Variants in LAMP1 observed in about 807,000 individuals in gnomAD.
LAMP1 encodes lysosome associated membrane protein 1.
Under a neutral mutation model 37.5 loss-of-function variants are expected in LAMP1, and 7 were observed. The observed-to-expected ratio is 0.19, with a 90% CI of 0.11 to 0.35. The LOEUF (loss-of-function observed/expected upper bound fraction) is 0.35, where lower values mean the gene tolerates loss of function less well. Among genes scored for constraint, LAMP1 ranks in the 10% least tolerant of loss-of-function variants. The pLI, the probability that LAMP1 is intolerant of heterozygous loss-of-function variation, is 1.00. For synonymous variants in LAMP1, 236 were observed against 229.1 expected, an observed-to-expected ratio of 1.03 and a Z score of -0.27; for missense variants, 537 against 552.8, an observed-to-expected ratio of 0.97 and a Z score of 0.29.
rs1021773104 is a variant in LAMP1, at chr13:113,300,084, G to C, written c.61+2589G>C. Among the ~76,000 whole-genome samples the C allele has an allele frequency of 2.0e-5, 3 of 152,182 alleles. No homozygotes were observed. The South Asian group carries it at 6.2e-4, about 31-fold the overall frequency. ...AACTGAAACTTGTCCTGATAGATAG[G>C]ATTAGCTGTGATTGCGTAATGTGAC... is the stretch of plus-strand genomic sequence containing the variant. On this transcript the variant is annotated intron_variant, in intron 1 of 8. Coordinates refer to ENST00000332556, the MANE Select transcript of LAMP1 (RefSeq NM_005561.4).
At chr13:113,306,365 A>AG (rs1156656249) in intron 1 of LAMP1, 120 bp from the exon 2 acceptor site, 31 of 1,224,538 alleles carry the variant, frequency 2.5e-5, no homozygotes, top group Middle Eastern at 2.9e-4. Context: ...AAAAAAAAAA[A>AG]AGAGAAACAG....
chr13:113,321,864 C>A lies in LAMP1; in HGVS notation c.1114+137C>A. 1.2e-6 allele frequency: 1 copy of A among 858,952 alleles called. No homozygotes were observed. The highest frequency in any genetic ancestry group is 1.8e-6 in the Non-Finnish European group (1 of 563,316). 53.2% of individuals were successfully genotyped at this position (858,952 alleles called of 1,614,324 possible). A position where few individuals can be genotyped will look rare whatever the true frequency, so the allele number is the denominator to read the frequency against. On this transcript the variant is annotated intron_variant, in intron 8 of 8. Coordinates refer to ENST00000332556, the MANE Select transcript of LAMP1 (RefSeq NM_005561.4). This position sits in a 1 kb window ranked among gnomAD's most constrained non-coding sequence, Gnocchi z 5.6. ...CAAGGAGCTGTTTCTTCTTGCCGGT[C>A]TGAGATTCTAGAGGTAACTCCCCCT... is the stretch of plus-strand genomic sequence containing the variant.
At chr13:113,314,309 G>C in intron 4 of LAMP1, among the ~76,000 whole-genome samples, 1 of 127,874 alleles carries the variant, frequency 7.8e-6, no homozygotes, top group East Asian at 2.8e-4. Flanking sequence ...TGCCTGGGGC[G>C]TGGCCTCCTG....
At chr13:113,312,159 G>C (rs1384884679) in intron 4 of LAMP1, among the ~76,000 whole-genome samples, 1 of 152,240 alleles carries the variant, frequency 6.6e-6, no homozygotes, top group Non-Finnish European at 1.5e-5. Context: ...TCCCCGAGGA[G>C]CAGGTACTCT....
At chr13:113,302,123 A>C (rs2042577973) in intron 1 of LAMP1, among the ~76,000 whole-genome samples, 1 of 152,214 alleles carries the variant, frequency 6.6e-6, no homozygotes, top group Non-Finnish European at 1.5e-5. Flanking sequence ...TCGGCCTCCC[A>C]AAGTGCTGGG....
Position 113,309,835 on chromosome 13 carries a change from C to A in LAMP1, c.376C>A (p.His126Asn). 6.2e-7 allele frequency: 1 copy of A among 1,613,280 alleles called. No homozygotes were observed. Among genetic ancestry groups the A allele is most frequent in the Non-Finnish European group, 8.5e-7 (1 of 1,179,976 alleles). The change falls in exon 3 of 9, where the codon CAC becomes AAC. Residue 126 changes from histidine (H) to asparagine (N), a missense_variant. Physicochemically the swap from His to Asn is moderately conservative, Grantham distance 68. Transcript: ENST00000332556. ...TTTTGTTTATAACTTGTCAGACACA[C>A]ACCTTTTCCCCAATGCGAGCTCCAA... ...MSFVYNLSDT[H>N]LFPNASSKEI...
intron 4 of LAMP1, among the ~76,000 whole-genome samples, chr13:113,312,448 GTC>G (rs1182647627): frequency 6.6e-6 from 1 of 152,214 alleles, no homozygotes; most frequent in African/African-American, 2.4e-5. Flanking sequence ...GGCCCACAAA[GTC>G]TGAAATATTT....
chr13:113,319,156 C>G (rs1440131182), intron 4 of LAMP1, among the ~76,000 whole-genome samples: 2 of 152,234 alleles, frequency 1.3e-5, no homozygotes, highest in Non-Finnish European at 2.9e-5. Flanking sequence ...CACAGTGGCC[C>G]CTGTCCAGCC....
rs985889837 is a variant in LAMP1, at chr13:113,316,726, AT to A, written c.563-2734del. On this transcript the variant is annotated intron_variant, in intron 4 of 8. Transcript: ENST00000332556. Reference sequence around the variant, plus strand: ...GTGAGCCACCGTGCCCAGCTGCAGCATTTTTTTTTCATTCCTAGGAACAGAG... The same window carrying A: ...GTGAGCCACCGTGCCCAGCTGCAGCATTTTTTTTCATTCCTAGGAACAGAG... Among the ~76,000 whole-genome samples the A allele has an allele frequency of 4.7e-5, 7 of 149,638 alleles. No homozygotes were observed. The South Asian group carries it at 1.1e-3, about 23-fold the overall frequency.
chr13:113,321,265 C>T lies in LAMP1; in HGVS notation c.877-139C>T. On this transcript the variant is annotated intron_variant, in intron 6 of 8. Transcript: ENST00000332556. The surrounding 1 kb of genome is among the most constrained non-coding windows in gnomAD (Gnocchi z 5.6). ...AGACAAGATCTTTTGCAGTTTTGTT[C>T]TAATACTAGAAATGTAGGAAGTCAG... The T allele has an allele frequency of 1.3e-6, 1 of 759,524 alleles. No individual in the cohort carries two copies. 47.0% of individuals were successfully genotyped at this position (759,524 alleles called of 1,614,324 possible). A position where few individuals can be genotyped will look rare whatever the true frequency, so the allele number is the denominator to read the frequency against.
rs1212273252 is a variant in LAMP1 at position 113,298,358 on chromosome 13, C to T, written c.61+863C>T. Among the ~76,000 whole-genome samples, 9 of 152,290 alleles carry T rather than the reference C, an allele frequency of 5.9e-5. No homozygotes were observed. The East Asian group carries it at 1.7e-3, about 29-fold the overall frequency. Reference sequence around the variant, plus strand: ...CTTAATAAGAGGATGTGTGCTGTCTCTTTAAGACAGTCCGGATTGCCCCCC... The same window carrying T: ...CTTAATAAGAGGATGTGTGCTGTCTTTTTAAGACAGTCCGGATTGCCCCCC... On this transcript the variant is annotated intron_variant, in intron 1 of 8. Transcript: ENST00000332556.
intron 1 of LAMP1, chr13:113,305,553 G>A (rs2042594175): frequency 6.6e-6 from 1 of 152,230 alleles, no homozygotes; most frequent in African/African-American, 2.4e-5. Flanking sequence ...GAGTAAGTCA[G>A]AGAGGAAATA....
At chr13:113,311,156 C>T (rs1233835537) in intron 4 of LAMP1, among the ~76,000 whole-genome samples, 3 of 151,400 alleles carry the variant, frequency 2.0e-5, no homozygotes, top group East Asian at 1.9e-4. Flanking sequence ...CAGTGGGAGT[C>T]GGCGGGGGGC....
chr13:113,307,726 A>T (rs1237709442), intron 2 of LAMP1, among the ~76,000 whole-genome samples: 1 of 151,334 alleles, frequency 6.6e-6, no homozygotes, highest in Admixed American at 6.6e-5. Flanking sequence ...TTTCTTTGGG[A>T]TGACTAAAGC....
intron 4 of LAMP1, among the ~76,000 whole-genome samples, chr13:113,311,618 G>A (rs543586818): frequency 6.6e-6 from 1 of 152,172 alleles, no homozygotes; most frequent in Non-Finnish European, 1.5e-5. Flanking sequence ...TCAGGGCTGC[G>A]ATGATGTACC....
intron 1 of LAMP1, among the ~76,000 whole-genome samples, chr13:113,300,519 A>G (rs1317562183): frequency 6.6e-6 from 1 of 151,388 alleles, no homozygotes; most frequent in Non-Finnish European, 1.5e-5. Context: ...AAAGAAAAGA[A>G]AGAAAAGCTG....
At chr13:113,322,198 G>A (rs969101712) in intron 8 of LAMP1, 84 bp from the exon 9 acceptor site, 33 of 1,455,150 alleles carry the variant, frequency 2.3e-5, no homozygotes, top group Non-Finnish European at 3.0e-5. Flanking sequence ...CCTTTTGGCT[G>A]ATGTGGGGGA....
rs758155412 is a variant in LAMP1 at position 113,322,371 on chromosome 13, G to C, written c.1204G>C (p.Ala402Pro). 1 of 1,602,938 alleles carries C rather than the reference G, an allele frequency of 6.2e-7. No homozygotes were observed. Among genetic ancestry groups the C allele is most frequent in the South Asian group, 1.1e-5 (1 of 89,460 alleles). The change falls in exon 9 of 9, where the codon GCC becomes CCC. Residue 402 changes from alanine to proline, a missense_variant. Transcript: ENST00000332556. ...GGGGCTGGTCCTCATCGTCCTCATC[G>C]CCTACCTCGTCGGCAGGAAGAGGAG... is the stretch of plus-strand genomic sequence containing the variant. ...LAGLVLIVLI[A>P]YLVGRKRSHA...
At chr13:113,316,443 G>A (rs2042664842) in intron 4 of LAMP1, among the ~76,000 whole-genome samples, 1 of 142,770 alleles carries the variant, frequency 7.0e-6, no homozygotes, top group Non-Finnish European at 1.5e-5. Flanking sequence ...TTTTTTTGAG[G>A]CAGAGTCCCG....
Sources: gnomAD v4.1 joint callset for allele counts (sites outside exome capture counted in the v4.1 genomes callset) on GRCh38, gnomAD v4.1.1 for gene constraint, Gnocchi (gnomAD v3.1) non-coding constraint, MANE v1.5 for transcripts, NCBI Gene and HGNC (gene_info 2026-07-23, HGNC 2026-07-21) for gene names.